Variants in HNRNPF observed in about 807,000 individuals in gnomAD.
HNRNPF encodes heterogeneous nuclear ribonucleoprotein F.
Under a neutral mutation model 26.0 loss-of-function variants are expected in HNRNPF, and 2 were observed. The observed-to-expected ratio is 0.08, with a 90% CI of 0.03 to 0.24. The LOEUF (loss-of-function observed/expected upper bound fraction) is 0.24, where lower values mean the gene tolerates loss of function less well. Among genes scored for constraint, HNRNPF ranks in the 10% least tolerant of loss-of-function variants. HNRNPF has a pLI of 1.00. For missense variants in HNRNPF, 299 were observed against 539.2 expected (o/e 0.55, Z 4.41); for synonymous variants, 234 against 211.5 (o/e 1.11, Z -0.92).
At position 43,387,010 on chromosome 10, in the gene HNRNPF, T is replaced by C. The variant is rs779624717; in HGVS notation, c.875A>G (p.His292Arg). 1 of 1,613,952 alleles carries C rather than the reference T, an allele frequency of 6.2e-7. No individual in the cohort carries two copies. The highest frequency in any genetic ancestry group is 2.2e-5 in the East Asian group (1 of 44,880). ...TVQSTTGHCV[H>R]MRGLPYKATE... Reference sequence around the variant, plus strand: ...CGCTTTGTACGGCAGGCCCCTCATGTGGACACAGTGGCCTGTGGTGCTCTG... The same window carrying C: ...CGCTTTGTACGGCAGGCCCCTCATGCGGACACAGTGGCCTGTGGTGCTCTG... Residue 292 changes from histidine to arginine, a missense_variant, in exon 4 of 4, where the codon CAC (histidine) becomes CGC (arginine). Around this residue, in one of 6 missense-constraint regions of HNRNPF, gnomAD observed 36 missense variants for 93.8 expected, o/e 0.38. Transcript: ENST00000682386. This position sits in a 1 kb window ranked among gnomAD's most constrained non-coding sequence, Gnocchi z 6.0.
chr10:43,392,257 T>C (rs1473270320), intron 3 of HNRNPF, among the ~76,000 whole-genome samples: 3 of 151,646 alleles, frequency 2.0e-5, no homozygotes, highest in South Asian at 2.1e-4. Flanking sequence ...TACAGAAAAA[T>C]TGGCCGGGCA....
chr10:43,394,618 A>T lies in HNRNPF; in HGVS notation c.-53+12T>A, dbSNP rs1838388761. 6.6e-6 allele frequency: 1 copy of T among 152,184 alleles called. No individual in the cohort carries two copies. Among genetic ancestry groups the T allele is most frequent in the South Asian group, 2.1e-4 (1 of 4,828 alleles). The allele number at this position is 152,184 out of a possible 1,614,324, so 9.4% of individuals were successfully genotyped here. A position where few individuals can be genotyped will look rare whatever the true frequency, so the allele number is the denominator to read the frequency against. On this transcript the variant is annotated intron_variant, in intron 3 of 3. Transcript: ENST00000682386. The stretch of plus-strand genomic sequence containing the variant: ...CTGCAGCTGAAAAGGGGCTCTTCTT[A>T]AAATAGCTTACCTTAAAAACAACCA...
chr10:43,406,669 G>A (rs1001329517), intron 1 of HNRNPF, among the ~76,000 whole-genome samples: 1 of 152,182 alleles, frequency 6.6e-6, no homozygotes, highest in African/African-American at 2.4e-5. Context: ...TCCAGCCTGG[G>A]CAACAAAGTG....
rs1259780901 is a variant in HNRNPF at position 43,387,775 on chromosome 10, T to A, written c.110A>T (p.His37Leu). 6.2e-7 allele frequency: 1 copy of A among 1,613,586 alleles called. No homozygotes were observed. Among genetic ancestry groups the A allele is most frequent in the Non-Finnish European group, 8.5e-7 (1 of 1,179,894 alleles). The change falls in exon 4 of 4, where the codon CAT becomes CTT. Residue 37 changes from histidine to leucine, a missense_variant. Transcript: ENST00000682386. The surrounding 1 kb of genome is among the most constrained non-coding windows in gnomAD (Gnocchi z 6.0). The part of the protein sequence containing the change: ...VQNFLSDCTI[H>L]DGAAGVHFIY... ...GAAATGGACACCTGCGGCCCCATCA[T>A]GAATCGTGCAGTCAGAGAGGAAGTT...
chr10:43,392,689 G>A (rs1229594616), intron 3 of HNRNPF, among the ~76,000 whole-genome samples: 1 of 152,176 alleles, frequency 6.6e-6, no homozygotes, highest in African/African-American at 2.4e-5. Context: ...TGGTTTTCCA[G>A]TTAATTCCTT....
intron 1 of HNRNPF, among the ~76,000 whole-genome samples, chr10:43,408,033 C>G (rs559528688): frequency 6.6e-6 from 1 of 152,210 alleles, no homozygotes; most frequent in African/African-American, 2.4e-5. Context: ...GCGACCCTCC[C>G]GCCTCAGCCT....
At chr10:43,391,600 ACT>A (rs1245479762) in intron 3 of HNRNPF, among the ~76,000 whole-genome samples, 1 of 151,528 alleles carries the variant, frequency 6.6e-6, no homozygotes, top group African/African-American at 2.4e-5. Flanking sequence ...AGCCTTACAG[ACT>A]CTCACCTCCT....
At chr10:43,407,427 G>T (rs1838958822) in intron 1 of HNRNPF, among the ~76,000 whole-genome samples, 2 of 152,134 alleles carry the variant, frequency 1.3e-5, no homozygotes, top group Non-Finnish European at 2.9e-5. Flanking sequence ...CACACGCGGA[G>T]CCGAGCGGGG....
chr10:43,390,458 T>C (rs1838197438), intron 3 of HNRNPF, among the ~76,000 whole-genome samples: 1 of 152,162 alleles, frequency 6.6e-6, no homozygotes, highest in Non-Finnish European at 1.5e-5. Flanking sequence ...CCTGGACTCC[T>C]ACCTCCAATG....
At chr10:43,389,653 C>G (rs930404889) in intron 3 of HNRNPF, among the ~76,000 whole-genome samples, 3 of 152,188 alleles carry the variant, frequency 2.0e-5, no homozygotes, top group African/African-American at 7.2e-5. Flanking sequence ...TGTCTCCTCT[C>G]CCAATAACAA....
In HNRNPF at chr10:43,387,943, A is replaced by G. The variant is rs1838094503; in HGVS notation, c.-52-7T>C. ...GGGTGTGGCTTTTTTGTGGCTGGAAAAAAAAAAAAGAAAAATTTATTTAGT... is the reference window on the plus strand; with the variant it reads ...GGGTGTGGCTTTTTTGTGGCTGGAAGAAAAAAAAAGAAAAATTTATTTAGT... On this transcript the variant is annotated splice_polypyrimidine_tract_variant and splice_region_variant and intron_variant, in intron 3 of 3. Transcript: ENST00000682386. The surrounding 1 kb of genome is among the most constrained non-coding windows in gnomAD (Gnocchi z 6.0). 1 of 1,403,626 alleles carries G rather than the reference A, an allele frequency of 7.1e-7. No individual in the cohort carries two copies. The highest frequency in any genetic ancestry group is 1.4e-5 in the South Asian group (1 of 72,228). The allele number at this position is 1,403,626 out of a possible 1,614,324, so 86.9% of individuals were successfully genotyped here.
intron 1 of HNRNPF, among the ~76,000 whole-genome samples, chr10:43,406,939 T>C (rs1838937660): frequency 6.6e-6 from 1 of 152,176 alleles, no homozygotes; most frequent in Non-Finnish European, 1.5e-5. Flanking sequence ...TTTTATAGTT[T>C]ATAAATTCTG....
chr10:43,396,136 A>T (rs1258017298), intron 2 of HNRNPF, among the ~76,000 whole-genome samples: 2 of 151,704 alleles, frequency 1.3e-5, no homozygotes, highest in Non-Finnish European at 2.9e-5. Context: ...TACAGGTTGG[A>T]CGGGATTAAC....
chr10:43,408,291 G>T (rs1838995523), intron 1 of HNRNPF, among the ~76,000 whole-genome samples: 1 of 152,142 alleles, frequency 6.6e-6, no homozygotes, highest in South Asian at 2.1e-4. Context: ...GCGCTTTCCT[G>T]ACTCCAAAAT....
chr10:43,404,230 G>A (rs1838840532), intron 1 of HNRNPF, among the ~76,000 whole-genome samples: 1 of 151,742 alleles, frequency 6.6e-6, no homozygotes, highest in Non-Finnish European at 1.5e-5. Flanking sequence ...GAACCCAGGA[G>A]GCGGAGGCTG....
chr10:43,407,504 G>A (rs1239217061), intron 1 of HNRNPF, among the ~76,000 whole-genome samples: 1 of 152,100 alleles, frequency 6.6e-6, no homozygotes, highest in Non-Finnish European at 1.5e-5. Context: ...CGAGTCGGGT[G>A]CCTTGCTCCT....
At chr10:43,393,240 CCTATT>C (rs1838324951) in intron 3 of HNRNPF, among the ~76,000 whole-genome samples, 1 of 152,152 alleles carries the variant, frequency 6.6e-6, no homozygotes, top group Non-Finnish European at 1.5e-5. Context: ...TGTTATTTCT[CCTATT>C]CTAATTCCTG....
chr10:43,404,857 T>C (rs1473897819), intron 1 of HNRNPF, among the ~76,000 whole-genome samples: 1 of 151,934 alleles, frequency 6.6e-6, no homozygotes, highest in Non-Finnish European at 1.5e-5. Context: ...AAAAACTACC[T>C]CTAGAGGTAA....
chr10:43,392,398 G>A, intron 3 of HNRNPF, among the ~76,000 whole-genome samples: 1 of 152,150 alleles, frequency 6.6e-6, no homozygotes, highest in East Asian at 1.9e-4. Flanking sequence ...AATTAGCCAG[G>A]CGTCGTGGCG....
Sources: gnomAD v4.1 joint callset for allele counts (sites outside exome capture counted in the v4.1 genomes callset) on GRCh38, gnomAD v4.1.1 for gene constraint, gnomAD v4.1.1 regional missense constraint, Gnocchi (gnomAD v3.1) non-coding constraint, MANE v1.5 for transcripts, NCBI Gene and HGNC (gene_info 2026-07-23, HGNC 2026-07-21) for gene names.